HERPUD2: variants seen among roughly 807,000 people sequenced by gnomAD.
HERPUD2 encodes HERPUD family member 2, also known as homocysteine-responsive endoplasmic reticulum-resident ubiquitin-like domain member 2 protein.
A neutral mutation model predicts 49.9 loss-of-function variants in HERPUD2; 13 were observed. That is an observed-to-expected ratio of 0.26 (90% CI 0.17 to 0.41). The LOEUF (loss-of-function observed/expected upper bound fraction) is 0.41. Ranked by LOEUF, HERPUD2 falls within the 10% of genes least tolerant of loss-of-function variation. The pLI, the probability that HERPUD2 is intolerant of heterozygous loss-of-function variation, is 1.00. For missense variants in HERPUD2, 449 were observed against 492.2 expected, an observed-to-expected ratio of 0.91 and a Z score of 0.83; for synonymous variants, 172 against 171.4, an observed-to-expected ratio of 1.00 and a Z score of -0.03.
Position 35,635,299 on chromosome 7 carries a change from C to A in HERPUD2, c.777G>T (p.Met259Ile). ...TTAGTACTGGACCTCCCTGTGCATT[C>A]ATTTGAACATTCTCATTCATGGGTC... ...ENRPMNENVQ[M>I]NAQGGPVLNE... Residue 259 changes from methionine to isoleucine, a missense_variant, in exon 7 of 9, where the codon ATG becomes ATT. Transcript: ENST00000311350. 3 of 1,614,144 alleles carry A rather than the reference C, an allele frequency of 1.9e-6. No individual in the cohort carries two copies. The highest frequency in any genetic ancestry group is 2.5e-6 in the Non-Finnish European group (3 of 1,180,036).
intron 5 of HERPUD2, among the ~76,000 whole-genome samples, chr7:35,638,709 A>G (rs1216067843): frequency 1.3e-5 from 2 of 152,226 alleles, no homozygotes; most frequent in Non-Finnish European, 2.9e-5. Context: ...GGGAAAACAA[A>G]GAGAAACACC....
chr7:35,681,442 C>T (rs1309590363), intron 2 of HERPUD2, among the ~76,000 whole-genome samples: 2 of 152,108 alleles, frequency 1.3e-5, no homozygotes, highest in South Asian at 4.1e-4. Context: ...TACCCTATGA[C>T]ACAATATATA....
intron 5 of HERPUD2, among the ~76,000 whole-genome samples, chr7:35,644,702 G>T (rs1000445704): frequency 6.6e-6 from 1 of 152,154 alleles, no homozygotes; most frequent in Non-Finnish European, 1.5e-5. Flanking sequence ...AGGAGGCAGA[G>T]GTTCCAGTGA....
chr7:35,689,612 A>G (rs1205702249), intron 2 of HERPUD2, among the ~76,000 whole-genome samples: 1 of 152,210 alleles, frequency 6.6e-6, no homozygotes, highest in Non-Finnish European at 1.5e-5. Context: ...AACAGAACCT[A>G]TATATACAAT....
At chr7:35,686,922 G>A (rs547113172) in intron 2 of HERPUD2, among the ~76,000 whole-genome samples, 3 of 142,444 alleles carry the variant, frequency 2.1e-5, no homozygotes, top group African/African-American at 7.8e-5. Flanking sequence ...AGAAAAATTA[G>A]GTGGGCAGGC....
chr7:35,682,565 A>G (rs2116022208), intron 2 of HERPUD2, among the ~76,000 whole-genome samples: 1 of 151,646 alleles, frequency 6.6e-6, no homozygotes, highest in African/African-American at 2.4e-5. Flanking sequence ...TCCTAGCCAG[A>G]CCAATCAGAC....
At chr7:35,664,419 G>A (rs955161590) in intron 5 of HERPUD2, among the ~76,000 whole-genome samples, 2 of 152,090 alleles carry the variant, frequency 1.3e-5, no homozygotes, top group Non-Finnish European at 2.9e-5. Flanking sequence ...TGTATTTCCT[G>A]AATTTGAATG....
intron 5 of HERPUD2, among the ~76,000 whole-genome samples, chr7:35,662,861 C>T (rs892206526): frequency 4.6e-5 from 7 of 152,122 alleles, no homozygotes; most frequent in Non-Finnish European, 8.8e-5. Flanking sequence ...TTTTTTGTGT[C>T]TATCTCCTTC....
In HERPUD2 at chr7:35,638,449, C is replaced by A; in HGVS notation, c.518G>T (p.Gly173Val). The A allele has an allele frequency of 6.2e-7, 1 of 1,613,048 alleles. No individual in the cohort carries two copies. The highest frequency in any genetic ancestry group is 8.5e-7 in the Non-Finnish European group (1 of 1,179,320). Residue 173 changes from glycine to valine, a missense_variant, in exon 6 of 9, where the codon GGG (glycine) becomes GTG (valine). By Grantham distance (109) the Gly-to-Val change is moderately radical (BLOSUM62 -3). Transcript: ENST00000311350. ...MQGNVDNQFP[G>V]QAAPPGFPVY... ...TGGGAATCCAGGTGGAGCAGCTTGC[C>A]CAGGAAATTGGTTGTCTACATTTCT...
chr7:35,692,965 T>C (rs1786224440), intron 2 of HERPUD2, among the ~76,000 whole-genome samples: 1 of 152,184 alleles, frequency 6.6e-6, no homozygotes, highest in Non-Finnish European at 1.5e-5. Context: ...CACCCTAAAA[T>C]CCGACCCTCT....
At chr7:35,665,552 C>T (rs1785519249) in intron 5 of HERPUD2, among the ~76,000 whole-genome samples, 2 of 152,210 alleles carry the variant, frequency 1.3e-5, no homozygotes, top group East Asian at 1.9e-4. Context: ...AATTCCCCGA[C>T]CCCTTGCGCT....
chr7:35,688,406 C>T (rs757241040), intron 2 of HERPUD2, among the ~76,000 whole-genome samples: 1 of 152,208 alleles, frequency 6.6e-6, no homozygotes, highest in Non-Finnish European at 1.5e-5. Context: ...CCCAGCTTAA[C>T]TGCTTCCACT....
At chr7:35,678,521 A>G (rs1785813465) in intron 2 of HERPUD2, among the ~76,000 whole-genome samples, 1 of 152,084 alleles carries the variant, frequency 6.6e-6, no homozygotes, top group Admixed American at 6.5e-5. Flanking sequence ...GGCTGGTCTC[A>G]AACTCCTGGC....
chr7:35,674,727 T>C (rs887504839), intron 2 of HERPUD2, among the ~76,000 whole-genome samples: 1 of 137,358 alleles, frequency 7.3e-6, no homozygotes, highest in Non-Finnish European at 1.6e-5. Context: ...CAATGACCAA[T>C]GATTTAATCA....
At chr7:35,643,999 A>C (rs1785008589) in intron 5 of HERPUD2, among the ~76,000 whole-genome samples, 1 of 152,108 alleles carries the variant, frequency 6.6e-6, no homozygotes, top group Admixed American at 6.5e-5. Context: ...ACAAAAGCGG[A>C]AATAGTACTG....
chr7:35,659,869 A>AT (rs551905504), intron 5 of HERPUD2, among the ~76,000 whole-genome samples: 1 of 150,084 alleles, frequency 6.7e-6, no homozygotes, highest in South Asian at 2.1e-4. Context: ...TTTCATCTTT[A>AT]TTTTTTTTAT....
chr7:35,634,285 A>C, intron 8 of HERPUD2, 27 bp downstream of exon 8: 1 of 1,373,238 alleles, frequency 7.3e-7, no homozygotes, highest in Non-Finnish European at 1.0e-6. Context: ...TCAGTATCTT[A>C]AGTATACAAA....
intron 2 of HERPUD2, among the ~76,000 whole-genome samples, chr7:35,674,234 T>C (rs41418748): frequency 0.074 from 11,286 of 151,520 alleles, 593 homozygotes; most frequent in South Asian, 0.21. Context: ...ATAGCTATCC[T>C]TCCAAGATAC....
At chr7:35,673,909 G>A (rs1440505262) in intron 2 of HERPUD2, among the ~76,000 whole-genome samples, 1 of 152,130 alleles carries the variant, frequency 6.6e-6, no homozygotes, top group Non-Finnish European at 1.5e-5. Context: ...CAACACAAGT[G>A]CATGGAGAGT....
Sources: gnomAD v4.1 joint callset for allele counts (sites outside exome capture counted in the v4.1 genomes callset) on GRCh38, gnomAD v4.1.1 for gene constraint, MANE v1.5 for transcripts, NCBI Gene and HGNC (gene_info 2026-07-23, HGNC 2026-07-21) for gene names.